CDK10: variants seen among roughly 807,000 people sequenced by gnomAD.
CDK10 encodes the protein cyclin-dependent kinase 10.
CDK10 carries 55 observed loss-of-function variants against 51.0 expected under a neutral mutation model. The ratio of observed to expected loss-of-function variants is 1.08; its 90% CI spans 0.87 to 1.35. The LOEUF (loss-of-function observed/expected upper bound fraction) is 1.35. CDK10 is among the 40% of genes most tolerant of loss of function. The pLI, the probability that CDK10 is intolerant of heterozygous loss-of-function variation, is 0.00. For missense variants in CDK10, 589 were observed against 485.1 expected (o/e 1.21, Z -2.01); for synonymous variants, 255 against 199.1 (o/e 1.28, Z -2.36).
At chr16:89,688,331 C>G (rs911083647) in intron 1 of CDK10, among the ~76,000 whole-genome samples, 11 of 152,102 alleles carry the variant, frequency 7.2e-5, no homozygotes, top group Admixed American at 2.0e-4. Context: ...ATCCACCCAC[C>G]TCAGCCTCCT....
Position 89,689,251 on chromosome 16 carries a change from G to T in CDK10, c.88-1G>T. On this transcript the variant is annotated splice_acceptor_variant, in intron 1 of 12. Coordinates refer to ENST00000353379, the MANE Select transcript of CDK10 (RefSeq NM_052988.5). LOFTEE classifies it high-confidence loss of function. The stretch of plus-strand genomic sequence containing the variant: ...ACACTGGCAACACCCTTCTGTTTCA[G>T]CTGGGACGATGCCGGAGTGTGAAGG... The T allele has an allele frequency of 1.2e-6, 2 of 1,614,058 alleles. No individual in the cohort carries two copies. The highest frequency in any genetic ancestry group is 1.7e-6 in the Non-Finnish European group (2 of 1,179,944).
intron 11 of CDK10, 73 bp from the exon 12 acceptor site, chr16:89,695,220 C>T: frequency 6.5e-7 from 1 of 1,547,418 alleles, no homozygotes; most frequent in South Asian, 1.2e-5. Flanking sequence ...ATTTGAATCA[C>T]AGGCTGCTCA....
rs776498403 is a variant in CDK10 at position 89,690,641 on chromosome 16, G to T, written c.232+17G>T. 5.0e-6 allele frequency: 8 copies of T among 1,609,422 alleles called. No individual in the cohort carries two copies. In the Admixed American group the frequency reaches 1.3e-4, roughly 27 times the overall value. ...AGAAGGATGGTGAGCAGGAAATTGG[G>T]GTGTTGGGACCTCGCACTGGGAGGA... On this transcript the variant is annotated intron_variant, in intron 3 of 12. Coordinates refer to ENST00000353379, the MANE Select transcript of CDK10 (RefSeq NM_052988.5).
chr16:89,691,438 C>A lies in CDK10; in HGVS notation c.233-5C>A. 1 of 1,599,340 alleles carries A rather than the reference C, an allele frequency of 6.3e-7. No individual in the cohort carries two copies. The highest frequency in any genetic ancestry group is 8.5e-7 in the Non-Finnish European group (1 of 1,171,362). On this transcript the variant is annotated splice_polypyrimidine_tract_variant and splice_region_variant and intron_variant, in intron 3 of 12. Coordinates refer to ENST00000353379, the MANE Select transcript of CDK10 (RefSeq NM_052988.5). Reference sequence around the variant, plus strand: ...GGGGCTCGCTGAGGCCACCTCCCTCCCCAGGCATCCCCATCAGCAGCTTGC... The same window carrying A: ...GGGGCTCGCTGAGGCCACCTCCCTCACCAGGCATCCCCATCAGCAGCTTGC...
In CDK10 at chr16:89,690,669, C is replaced by A. The variant is rs751720234; in HGVS notation, c.232+45C>A. On this transcript the variant is annotated intron_variant, in intron 3 of 12. Coordinates refer to ENST00000353379, the MANE Select transcript of CDK10 (RefSeq NM_052988.5). ...GTTGGGACCTCGCACTGGGAGGAGG[C>A]AGAAGGATGTGAGTTACCTGAAGTT... 19 of 1,512,374 alleles carry A rather than the reference C, an allele frequency of 1.3e-5. No individual in the cohort carries two copies. The South Asian group carries it at 2.0e-4, about 16-fold the overall frequency. 93.7% of individuals were successfully genotyped at this position (1,512,374 alleles called of 1,614,324 possible). A position where few individuals can be genotyped will look rare whatever the true frequency, so the allele number is the denominator to read the frequency against.
At chr16:89,693,928 G>C (rs1347903273) in intron 8 of CDK10, 4 of 598,266 alleles carry the variant, frequency 6.7e-6, no homozygotes, top group African/African-American at 1.9e-5. Context: ...GTAGTGGCTG[G>C]TGTGGCTGTG....
chr16:89,691,233 C>T (rs995266862), intron 3 of CDK10, among the ~76,000 whole-genome samples: 4 of 151,866 alleles, frequency 2.6e-5, no homozygotes, highest in African/African-American at 9.7e-5. Context: ...TGCGGTGAGC[C>T]GAGATGGTGC....
At position 89,696,071 on chromosome 16, in the gene CDK10, G is replaced by C. The variant is rs578180437; in HGVS notation, c.*379G>C. 45 of 545,826 alleles carry C rather than the reference G, an allele frequency of 8.2e-5. No individual in the cohort carries two copies. In the East Asian group the frequency reaches 1.2e-3, roughly 15 times the overall value. 33.8% of individuals were successfully genotyped at this position (545,826 alleles called of 1,614,324 possible). On this transcript the variant is annotated 3_prime_UTR_variant, in exon 13 of 13. Transcript: ENST00000353379. ...GGTGGACGCTGGCCTGGGATGAGAGGGCCCAGAAGACCTTCGTATCCCCTC... is the reference window on the plus strand; with the variant it reads ...GGTGGACGCTGGCCTGGGATGAGAGCGCCCAGAAGACCTTCGTATCCCCTC...
chr16:89,689,288 C>G lies in CDK10; in HGVS notation c.124C>G (p.Leu42Val), dbSNP rs749342365. Residue 42 changes from leucine (L) to valine (V), a missense_variant, in exon 2 of 13, where the codon CTG becomes GTG. Physicochemically the swap from Leu to Val is conservative, Grantham distance 32 (BLOSUM62 1). Transcript: ENST00000353379. The part of the protein sequence containing the change: ...RCRSVKEFEK[L>V]NRIGEGTYGI... ...CCGGAGTGTGAAGGAGTTTGAGAAGCTGAACCGCATTGGAGAGGGTACCTA... is the reference window on the plus strand; with the variant it reads ...CCGGAGTGTGAAGGAGTTTGAGAAGGTGAACCGCATTGGAGAGGGTACCTA... 1 of 1,614,096 alleles carries G rather than the reference C, an allele frequency of 6.2e-7. No homozygotes were observed. Among genetic ancestry groups the G allele is most frequent in the South Asian group, 1.1e-5 (1 of 91,080 alleles).
chr16:89,689,705 G>C, intron 2 of CDK10: 1 of 219,180 alleles, frequency 4.6e-6, no homozygotes, highest in Non-Finnish European at 9.3e-6. Flanking sequence ...TTGTTTTTGA[G>C]ATGGGTCTTG....
chr16:89,694,156 G>A lies in CDK10; in HGVS notation c.609-17G>A. 1.2e-6 allele frequency: 2 copies of A among 1,613,558 alleles called. No homozygotes were observed. Among genetic ancestry groups the A allele is most frequent in the Non-Finnish European group, 1.7e-6 (2 of 1,179,566 alleles). The stretch of plus-strand genomic sequence containing the variant: ...GAGAGGAGCCGGCTGTATTGAGGTG[G>A]GTGCTTCTGTGTGTAGGTACCGAGC... On this transcript the variant is annotated splice_polypyrimidine_tract_variant and intron_variant, in intron 8 of 12. Transcript: ENST00000353379.
At position 89,695,076 on chromosome 16, in the gene CDK10, G is replaced by A. The variant is rs1326857234; in HGVS notation, c.932+6G>A. 1.2e-6 allele frequency: 2 copies of A among 1,611,496 alleles called. No homozygotes were observed. Among genetic ancestry groups the A allele is most frequent in the East Asian group, 4.5e-5 (2 of 44,876 alleles). On this transcript the variant is annotated splice_donor_region_variant and intron_variant, in intron 11 of 12. Coordinates refer to ENST00000353379, the MANE Select transcript of CDK10 (RefSeq NM_052988.5). ...ATGTACGACCCTAAGAAAAGGTGCT[G>A]ATCTCTGCACGGGGGGCAGGGACCC...
intron 2 of CDK10, chr16:89,689,926 C>G (rs923462515): frequency 6.5e-6 from 1 of 154,042 alleles, no homozygotes; most frequent in Non-Finnish European, 1.4e-5. Flanking sequence ...TCAAATGATC[C>G]TCCTGCCTCG....
At chr16:89,691,421 C>T (rs377332718) in intron 3 of CDK10, 22 bp from the exon 4 acceptor site, 45 of 1,573,318 alleles carry the variant, frequency 2.9e-5, no homozygotes, top group Non-Finnish European at 4.3e-6. Context: ...GTGGGGCTCG[C>T]TGAGGCCACC....
intron 6 of CDK10, 44 bp downstream of exon 6, chr16:89,692,560 G>A: frequency 1.4e-6 from 2 of 1,474,492 alleles, no homozygotes; most frequent in South Asian, 2.5e-5. Flanking sequence ...ATTCGGCTGA[G>A]GCCTAACTCT....
At position 89,686,765 on chromosome 16, in the gene CDK10, G is replaced by A. The variant is rs772003901; in HGVS notation, c.55G>A (p.Glu19Lys). The change falls in exon 1 of 13, where the codon GAG becomes AAG. Residue 19 changes from glutamate (E) to lysine (K), a missense_variant. By Grantham distance (56) the Glu-to-Lys change is moderately conservative. Coordinates refer to ENST00000353379, the MANE Select transcript of CDK10 (RefSeq NM_052988.5). ...EQIRLKCIRK[E>K]GFFTVPPEHR... ...GATCCGTCTGAAGTGTATTCGTAAG[G>A]AGGGCTTCTTCACGGTGCCTCCGGA... The A allele has an allele frequency of 1.2e-6, 2 of 1,612,860 alleles. No homozygotes were observed. Among genetic ancestry groups the A allele is most frequent in the Non-Finnish European group, 1.7e-6 (2 of 1,179,430 alleles).
chr16:89,695,662 C>T lies in CDK10; in HGVS notation c.1053C>T (p.Ser351=), dbSNP rs749098710. The change falls in exon 13 of 13, where the codon TCC becomes TCT. Residue 351 remains serine (S), a synonymous_variant. Coordinates refer to ENST00000353379, the MANE Select transcript of CDK10 (RefSeq NM_052988.5). The part of the protein sequence containing the change: ...HRNKRAAPAT[S]EGQSKRCKP ...ACAAGCGGGCCGCCCCAGCCACCTC[C>T]GAGGGCCAGAGCAAGCGCTGTAAAC... 2.0e-5 allele frequency: 32 copies of T among 1,602,724 alleles called. No individual in the cohort carries two copies. The highest frequency in any genetic ancestry group is 2.5e-5 in the Non-Finnish European group (30 of 1,176,508).
intron 8 of CDK10, chr16:89,693,876 C>T: frequency 1.8e-6 from 1 of 570,450 alleles, no homozygotes; most frequent in Non-Finnish European, 3.1e-6. Flanking sequence ...AGAATCAGGT[C>T]AGGACCCCAG....
intron 12 of CDK10, 34 bp downstream of exon 12, chr16:89,695,379 G>C: frequency 2.5e-6 from 4 of 1,599,794 alleles, no homozygotes; most frequent in Non-Finnish European, 3.4e-6. Flanking sequence ...CGCTCTGTGG[G>C]GTATGGCTGG....
Sources: allele counts gnomAD v4.1 joint callset (sites outside exome capture counted in the v4.1 genomes callset), GRCh38; gene constraint gnomAD v4.1.1; transcripts MANE v1.5; gene names NCBI Gene and HGNC (gene_info 2026-07-23, HGNC 2026-07-21).